Variants in RBFOX1 observed in about 807,000 individuals in gnomAD.
The protein encoded by RBFOX1 is RNA binding protein fox-1 homolog 1.
Under a neutral mutation model 57.7 loss-of-function variants are expected in RBFOX1, and 8 were observed. The ratio of observed to expected loss-of-function variants is 0.14; its 90% CI spans 0.08 to 0.25. The LOEUF (loss-of-function observed/expected upper bound fraction) is 0.25, where lower values mean the gene tolerates loss of function less well. Ranked by LOEUF, RBFOX1 falls within the 10% of genes least tolerant of loss-of-function variation. The probability of loss-of-function intolerance (pLI) is 1.00; values close to 1 mark genes in which losing one functional copy is unlikely to be tolerated. For missense variants in RBFOX1, 611 were observed against 548.5 expected (o/e 1.11, Z -1.14); for synonymous variants, 326 against 222.4 (o/e 1.47, Z -4.15).
chr16:7,077,112 C>G (rs1053819059), intron 4 of RBFOX1, among the ~76,000 whole-genome samples: 3 of 152,116 alleles, frequency 2.0e-5, no homozygotes, highest in African/African-American at 7.2e-5. Context: ...ATTTTCTGCC[C>G]AGAAATCTCT....
intron 2 of RBFOX1, among the ~76,000 whole-genome samples, chr16:6,550,355 T>C (rs2096967398): frequency 1.3e-5 from 2 of 152,188 alleles, no homozygotes; most frequent in African/African-American, 4.8e-5. Context: ...TTTTATATTT[T>C]CATTACAGAC....
chr16:5,802,825 G>C (rs1445101777), intron 3 of RBFOX1, among the ~76,000 whole-genome samples: 1 of 152,122 alleles, frequency 6.6e-6, no homozygotes, highest in Non-Finnish European at 1.5e-5. Flanking sequence ...ACATATGAAT[G>C]TATGAATCTC....
chr16:6,872,577 C>A (rs17141598), intron 3 of RBFOX1, among the ~76,000 whole-genome samples: 8 of 151,958 alleles, frequency 5.3e-5, no homozygotes, highest in African/African-American at 1.7e-4. Context: ...AAGATAAGAA[C>A]GTTTGGAACG....
intron 2 of RBFOX1, among the ~76,000 whole-genome samples, chr16:6,533,466 G>C (rs1354449255): frequency 1.3e-5 from 2 of 151,072 alleles, no homozygotes; most frequent in Non-Finnish European, 2.9e-5. Flanking sequence ...CCTGAACACA[G>C]AGCAGTGGTT....
intron 4 of RBFOX1, among the ~76,000 whole-genome samples, chr16:7,254,941 C>G (rs1053121336): frequency 2.2e-4 from 33 of 152,136 alleles, no homozygotes; most frequent in African/African-American, 7.5e-4. Context: ...TCAATTCACT[C>G]ATTAATGGCT....
At chr16:7,085,287 G>T (rs984782302) in intron 4 of RBFOX1, among the ~76,000 whole-genome samples, 1 of 152,092 alleles carries the variant, frequency 6.6e-6, no homozygotes, top group African/African-American at 2.4e-5. Flanking sequence ...GAGAACAGCT[G>T]CCACTCAGCA....
chr16:5,648,445 C>T (rs1299029147), intron 3 of RBFOX1, among the ~76,000 whole-genome samples: 3 of 152,096 alleles, frequency 2.0e-5, no homozygotes, highest in African/African-American at 7.2e-5. Flanking sequence ...TCATCTAGAC[C>T]AGGGCTTTTC....
At chr16:6,676,783 C>A (rs1420784662) in intron 3 of RBFOX1, among the ~76,000 whole-genome samples, 1 of 145,048 alleles carries the variant, frequency 6.9e-6, no homozygotes, top group Non-Finnish European at 1.5e-5. Context: ...TGAAGCATTT[C>A]TCCTGCCTCA....
intron 2 of RBFOX1, among the ~76,000 whole-genome samples, chr16:6,493,808 T>G (rs1328807126): frequency 6.6e-6 from 1 of 152,226 alleles, no homozygotes; most frequent in African/African-American, 2.4e-5. Flanking sequence ...TCGGCAGATT[T>G]CACTTCCTTT....
chr16:6,746,641 G>A (rs897165411), intron 3 of RBFOX1, among the ~76,000 whole-genome samples: 2 of 151,710 alleles, frequency 1.3e-5, no homozygotes, highest in African/African-American at 4.8e-5. Flanking sequence ...TTGTGCCACT[G>A]CACTTCAGCC....
chr16:5,477,625 T>G (rs1555445572), intron 2 of RBFOX1, among the ~76,000 whole-genome samples: 1 of 152,200 alleles, frequency 6.6e-6, no homozygotes, highest in Non-Finnish European at 1.5e-5. Context: ...ATTTGATCCA[T>G]AGTCAGTATC....
chr16:6,396,207 G>C (rs962274312), intron 2 of RBFOX1, among the ~76,000 whole-genome samples: 1 of 151,884 alleles, frequency 6.6e-6, no homozygotes, highest in Non-Finnish European at 1.5e-5. Flanking sequence ...CTGTTTGATG[G>C]TACTCCCCAA....
chr16:6,463,936 C>T (rs1027564428), intron 2 of RBFOX1, among the ~76,000 whole-genome samples: 1 of 151,770 alleles, frequency 6.6e-6, no homozygotes, highest in Non-Finnish European at 1.5e-5. Flanking sequence ...GTTTATCCTC[C>T]CAGAGAGGAG....
chr16:7,195,111 C>A (rs59417309), intron 4 of RBFOX1, among the ~76,000 whole-genome samples: 14,956 of 152,136 alleles, frequency 0.098, 802 homozygotes, highest in Non-Finnish European at 0.11. Flanking sequence ...TCTATCAACA[C>A]CCTTAAGTCT....
In RBFOX1 at chr16:7,711,326, G is replaced by A. The variant is rs577882657; in HGVS notation, c.*581G>A. 1 of 152,582 alleles carries A rather than the reference G, an allele frequency of 6.6e-6. No individual in the cohort carries two copies. Among genetic ancestry groups the A allele is most frequent in the Non-Finnish European group, 1.5e-5 (1 of 68,046 alleles). 9.5% of individuals were successfully genotyped at this position (152,582 alleles called of 1,614,324 possible). ...TACTCATTGCCAGTTCAAGCCAAAGGTCATGTTGTTAAGGGGGTGCTTCTA... is the reference window on the plus strand; with the variant it reads ...TACTCATTGCCAGTTCAAGCCAAAGATCATGTTGTTAAGGGGGTGCTTCTA... On this transcript the variant is annotated 3_prime_UTR_variant, in exon 16 of 16. Transcript: ENST00000550418.
At chr16:6,628,882 T>C (rs971917559) in intron 2 of RBFOX1, among the ~76,000 whole-genome samples, 1 of 152,068 alleles carries the variant, frequency 6.6e-6, no homozygotes, top group Non-Finnish European at 1.5e-5. Context: ...TACAAAAAAT[T>C]AGCCAGGTGT....
At chr16:7,119,905 T>G (rs925362965) in intron 4 of RBFOX1, among the ~76,000 whole-genome samples, 1 of 152,148 alleles carries the variant, frequency 6.6e-6, no homozygotes. Context: ...ATGTCCGTTC[T>G]GTTCAAGTCC....
chr16:7,336,392 C>G (rs572007095), intron 4 of RBFOX1, among the ~76,000 whole-genome samples: 12 of 152,336 alleles, frequency 7.9e-5, no homozygotes, highest in South Asian at 2.1e-4. Flanking sequence ...CACTATTGGA[C>G]AAATCGTTCC....
At chr16:7,159,168 T>G (rs2077760490) in intron 4 of RBFOX1, among the ~76,000 whole-genome samples, 1 of 152,194 alleles carries the variant, frequency 6.6e-6, no homozygotes, top group South Asian at 2.1e-4. Context: ...CCCTGGAGAT[T>G]GTTTCAAGTT....
Sources: gnomAD v4.1 joint callset for allele counts (sites outside exome capture counted in the v4.1 genomes callset) on GRCh38, gnomAD v4.1.1 for gene constraint, MANE v1.5 for transcripts, NCBI Gene and HGNC (gene_info 2026-07-23, HGNC 2026-07-21) for gene names.